Variants in FHAD1 observed in about 807,000 individuals in gnomAD.
The protein encoded by FHAD1 is forkhead-associated domain-containing protein 1.
FHAD1 carries 146 observed loss-of-function variants against 191.3 expected under a neutral mutation model. The ratio of observed to expected loss-of-function variants is 0.76; its 90% CI spans 0.67 to 0.88. The LOEUF (loss-of-function observed/expected upper bound fraction) is 0.88, where lower values mean the gene tolerates loss of function less well. Ranked by LOEUF, FHAD1 falls within the 40% of genes least tolerant of loss-of-function variation. FHAD1 has a pLI of 0.00. For synonymous variants in FHAD1, 616 were observed against 672.3 expected (o/e 0.92, Z 1.29); for missense variants, 1,635 against 1,785.8 (o/e 0.92, Z 1.52).
intron 33 of FHAD1, among the ~76,000 whole-genome samples, chr1:15,397,020 T>TAAA (rs5772637): frequency 3.9e-4 from 45 of 115,916 alleles, no homozygotes; most frequent in Non-Finnish European, 3.7e-4. Flanking sequence ...CCGTCTCTAC[T>TAAA]AAAAAAAAAA....
At chr1:15,384,990 C>T (rs992328513) in intron 31 of FHAD1, among the ~76,000 whole-genome samples, 3 of 152,144 alleles carry the variant, frequency 2.0e-5, no homozygotes, top group Non-Finnish European at 4.4e-5. Context: ...CTCATCCCCC[C>T]TATTCCTTTC....
chr1:15,327,186 T>C lies in FHAD1; in HGVS notation c.1557+44T>C. On this transcript the variant is annotated intron_variant, in intron 12 of 33. Coordinates refer to ENST00000688493, the MANE Select transcript of FHAD1 (RefSeq NM_001391957.1). This position sits in a 1 kb window ranked among gnomAD's most constrained non-coding sequence, Gnocchi z 5.1. ...CCACGTGGCTCCTTCACTTTCCTCTTCTTCTTCTTCGTGGATCTGGATTCC... is the reference window on the plus strand; with the variant it reads ...CCACGTGGCTCCTTCACTTTCCTCTCCTTCTTCTTCGTGGATCTGGATTCC... 2.3e-6 allele frequency: 3 copies of C among 1,314,192 alleles called. No individual in the cohort carries two copies. The South Asian group carries it at 3.8e-5, about 17-fold the overall frequency. 81.4% of individuals were successfully genotyped at this position (1,314,192 alleles called of 1,614,324 possible).
Position 15,301,189 on chromosome 1 carries a change from T to C in FHAD1, c.679-16T>C. 1.9e-6 allele frequency: 3 copies of C among 1,549,578 alleles called. No individual in the cohort carries two copies. Among genetic ancestry groups the C allele is most frequent in the Non-Finnish European group, 2.6e-6 (3 of 1,145,634 alleles). ...AGGCCCACACCTAGTAAGCCTCCCA[T>C]CTGATCTCTACCCAGGATGAAATAA... On this transcript the variant is annotated splice_polypyrimidine_tract_variant and intron_variant, in intron 5 of 33. Coordinates refer to ENST00000688493, the MANE Select transcript of FHAD1 (RefSeq NM_001391957.1).
At chr1:15,290,339 G>A (rs1004086198) in intron 4 of FHAD1, among the ~76,000 whole-genome samples, 2 of 152,134 alleles carry the variant, frequency 1.3e-5, no homozygotes, top group African/African-American at 4.8e-5. Flanking sequence ...AGCCTCACCA[G>A]CAGAAGAGCT....
intron 14 of FHAD1, among the ~76,000 whole-genome samples, chr1:15,337,833 C>T (rs1684883537): frequency 6.6e-6 from 1 of 152,128 alleles, no homozygotes; most frequent in South Asian, 2.1e-4. Context: ...ATAGGAGTGA[C>T]TCAGACCTCG....
chr1:15,356,123 G>A (rs1692717404), intron 20 of FHAD1, among the ~76,000 whole-genome samples: 1 of 152,144 alleles, frequency 6.6e-6, no homozygotes, highest in South Asian at 2.1e-4. Context: ...GTGACACTGT[G>A]CACACTGCTT....
At chr1:15,279,675 C>G (rs1165047488) in intron 3 of FHAD1, among the ~76,000 whole-genome samples, 2 of 151,988 alleles carry the variant, frequency 1.3e-5, no homozygotes, top group Non-Finnish European at 2.9e-5. Flanking sequence ...CCAAACTCAG[C>G]AGCTCTAGGA....
In FHAD1 at chr1:15,329,279, G is replaced by A. The variant is rs1303454870; in HGVS notation, c.1711-67G>A. 7.5e-6 allele frequency: 10 copies of A among 1,333,698 alleles called. No individual in the cohort carries two copies. Among genetic ancestry groups the A allele is most frequent in the Admixed American group, 5.2e-5 (2 of 38,184 alleles). 82.6% of individuals were successfully genotyped at this position (1,333,698 alleles called of 1,614,324 possible). On this transcript the variant is annotated intron_variant, in intron 13 of 33. Transcript: ENST00000688493. The surrounding 1 kb of genome is among the most constrained non-coding windows in gnomAD (Gnocchi z 5.0). ...GGCAGAGTCAAGAACGCTGTTCCTCGAAGGTCACGTCAGGGGCTATTTCTG... is the reference window on the plus strand; with the variant it reads ...GGCAGAGTCAAGAACGCTGTTCCTCAAAGGTCACGTCAGGGGCTATTTCTG...
intron 23 of FHAD1, among the ~76,000 whole-genome samples, chr1:15,365,017 G>A (rs956562155): frequency 1.1e-4 from 16 of 152,170 alleles, no homozygotes; most frequent in African/African-American, 3.9e-4. Context: ...GGCCCCTGTT[G>A]CCTGGGCCAC....
At chr1:15,242,089 C>T (rs553149710) in intron 1 of FHAD1, among the ~76,000 whole-genome samples, 6 of 151,858 alleles carry the variant, frequency 4.0e-5, no homozygotes, top group South Asian at 4.2e-4. Context: ...AAAAAGTAGC[C>T]GGGCATGGTG....
chr1:15,269,915 C>CTTTTTT (rs144971337), intron 2 of FHAD1, among the ~76,000 whole-genome samples: 12 of 123,074 alleles, frequency 9.8e-5, no homozygotes, highest in Non-Finnish European at 1.2e-4. Context: ...TTATGGCTCT[C>CTTTTTT]TTTTTTTTTT....
At chr1:15,284,755 G>A (rs116207212) in intron 3 of FHAD1, among the ~76,000 whole-genome samples, 130 of 152,248 alleles carry the variant, frequency 8.5e-4, no homozygotes, top group African/African-American at 3.0e-3. Flanking sequence ...CTGGTTGGGT[G>A]TTTATTCAAG....
At chr1:15,362,548 C>A in intron 22 of FHAD1, 94 bp from the exon 23 acceptor site, 1 of 992,522 alleles carries the variant, frequency 1.0e-6, no homozygotes, top group Non-Finnish European at 1.6e-6. Context: ...CAGGTGGAGG[C>A]AGGGTTTGTA....
chr1:15,303,155 T>C (rs929924286), intron 6 of FHAD1, among the ~76,000 whole-genome samples: 2 of 152,222 alleles, frequency 1.3e-5, no homozygotes, highest in East Asian at 3.8e-4. Context: ...CTTCTTACAG[T>C]TGTGTTCCAA....
At position 15,318,502 on chromosome 1, in the gene FHAD1, C is replaced by T. The variant is rs1449143345; in HGVS notation, c.1365+574C>T. Reference sequence around the variant, plus strand: ...TACAAAAATTAGCCAGATGTGGTGGCGGAGGCCTGTAATTCCAGCCACTCA... The same window carrying T: ...TACAAAAATTAGCCAGATGTGGTGGTGGAGGCCTGTAATTCCAGCCACTCA... On this transcript the variant is annotated intron_variant, in intron 10 of 33. Transcript: ENST00000688493. This position sits in a 1 kb window ranked among gnomAD's most constrained non-coding sequence, Gnocchi z 4.1. Among the ~76,000 whole-genome samples the T allele has an allele frequency of 1.2e-4, 19 of 152,032 alleles. No individual in the cohort carries two copies. Among genetic ancestry groups the T allele is most frequent in the Admixed American group, 1.0e-3 (16 of 15,260 alleles).
chr1:15,385,707 T>TG (rs1701953068), intron 31 of FHAD1, among the ~76,000 whole-genome samples: 1 of 152,012 alleles, frequency 6.6e-6, no homozygotes, highest in African/African-American at 2.4e-5. Flanking sequence ...CCTAGTAGTT[T>TG]GGGGCTGCAG....
At chr1:15,249,663 T>C (rs1159438864) in intron 1 of FHAD1, among the ~76,000 whole-genome samples, 2 of 152,204 alleles carry the variant, frequency 1.3e-5, no homozygotes, top group Non-Finnish European at 2.9e-5. Context: ...GGTCTTTTCT[T>C]TTTTTGCAGA....
chr1:15,249,961 A>G (rs917073128), intron 1 of FHAD1, among the ~76,000 whole-genome samples: 4 of 152,202 alleles, frequency 2.6e-5, no homozygotes, highest in Non-Finnish European at 5.9e-5. Context: ...TAGGGACAAT[A>G]ATGACACCCA....
Position 15,381,530 on chromosome 1 carries a change from T to C in FHAD1, c.4022+79T>C, listed in dbSNP as rs112552514. 0.018 allele frequency: 20,016 copies of C among 1,141,816 alleles called. 2,176 individuals carry two copies. In the African/African-American group the frequency reaches 0.25, roughly 14 times the overall value. The allele number at this position is 1,141,816 out of a possible 1,614,324, so 70.7% of individuals were successfully genotyped here. A position where few individuals can be genotyped will look rare whatever the true frequency, so the allele number is the denominator to read the frequency against. ...GCTAAACTCAGGCTAGCAGCAGACC[T>C]CTAGGCCTGGGACAGGAGGACAGAG... On this transcript the variant is annotated intron_variant, in intron 30 of 33. Coordinates refer to ENST00000688493, the MANE Select transcript of FHAD1 (RefSeq NM_001391957.1). The surrounding 1 kb of genome is among the most constrained non-coding windows in gnomAD (Gnocchi z 4.6).
Sources: gnomAD v4.1 joint callset for allele counts (sites outside exome capture counted in the v4.1 genomes callset) on GRCh38, gnomAD v4.1.1 for gene constraint, Gnocchi (gnomAD v3.1) non-coding constraint, MANE v1.5 for transcripts, NCBI Gene and HGNC (gene_info 2026-07-23, HGNC 2026-07-21) for gene names.